Variants in APPL1 observed in about 807,000 individuals in gnomAD.
The protein encoded by APPL1 is DCC-interacting protein 13-alpha.
APPL1 carries 42 observed loss-of-function variants against 106.8 expected under a neutral mutation model. The observed-to-expected ratio is 0.39, with a 90% CI of 0.31 to 0.51. The LOEUF is 0.51. Ranked by LOEUF, APPL1 falls within the 20% of genes least tolerant of loss-of-function variation. The probability of loss-of-function intolerance (pLI) is 0.75; values close to 1 mark genes in which losing one functional copy is unlikely to be tolerated. For synonymous variants in APPL1, 263 were observed against 281.8 expected (o/e 0.93, Z 0.67); for missense variants, 769 against 858.2 (o/e 0.90, Z 1.30).
Position 57,259,848 on chromosome 3 carries a change from C to T in APPL1, c.1487C>T (p.Ser496Phe). Residue 496 changes from serine to phenylalanine, a missense_variant, in exon 17 of 22, where the codon TCT becomes TTT. Transcript: ENST00000288266. ...GGSTKSETED[S>F]ILHQLFIVRF... ...AATACACCTTGTTCTATTATAGATT[C>T]TATTCTTCATCAGTTATTTATTGTC... 6.3e-7 allele frequency: 1 copy of T among 1,586,278 alleles called. No homozygotes were observed. The highest frequency in any genetic ancestry group is 1.2e-5 in the South Asian group (1 of 85,780).
At chr3:57,266,554 C>T (rs567181102) in intron 19 of APPL1, among the ~76,000 whole-genome samples, 2 of 152,234 alleles carry the variant, frequency 1.3e-5, no homozygotes, top group East Asian at 1.9e-4. Flanking sequence ...CCTTTTTAAT[C>T]TCCAATTTTA....
chr3:57,231,121 C>T (rs1283438731), intron 1 of APPL1, among the ~76,000 whole-genome samples: 1 of 151,620 alleles, frequency 6.6e-6, no homozygotes, highest in Non-Finnish European at 1.5e-5. Context: ...AGGTGAATCA[C>T]GAGGTCAGGA....
intron 11 of APPL1, among the ~76,000 whole-genome samples, 154 bp from the exon 12 acceptor site, chr3:57,252,115 C>G (rs2060808422): frequency 6.6e-6 from 1 of 152,118 alleles, no homozygotes; most frequent in Non-Finnish European, 1.5e-5. Context: ...TGGTGGTCTC[C>G]TTTTCCTAAG....
At chr3:57,267,872 A>G (rs1170068034) in intron 20 of APPL1, 80 bp downstream of exon 20, 1 of 1,453,552 alleles carries the variant, frequency 6.9e-7, no homozygotes, top group East Asian at 2.3e-5. Context: ...CGGGCAGATG[A>G]CTTGAGGTCA....
chr3:57,235,662 C>T lies in APPL1; in HGVS notation c.151C>T (p.Gln51Ter), dbSNP rs2060712706. ...YQAMHRIYDA[Q>*]NELSAATHLT... The stretch of plus-strand genomic sequence containing the variant: ...AGCTATGCATCGGATTTATGATGCA[C>T]AGGTAAAACACTAAGGACTAACTTG... Residue 51 changes from glutamine to a stop codon, truncating the protein, a stop_gained and splice_region_variant, in exon 2 of 22, where the codon CAG becomes TAG. Coordinates refer to ENST00000288266, the MANE Select transcript of APPL1 (RefSeq NM_012096.3). LOFTEE classifies it high-confidence loss of function. 1 of 1,606,970 alleles carries T rather than the reference C, an allele frequency of 6.2e-7. No homozygotes were observed. Among genetic ancestry groups the T allele is most frequent in the African/African-American group, 1.3e-5 (1 of 74,800 alleles).
intron 9 of APPL1, 30 bp from the exon 10 acceptor site, chr3:57,248,163 A>G (rs376847887): frequency 1.0e-4 from 164 of 1,583,586 alleles, no homozygotes; most frequent in Admixed American, 3.0e-4. Flanking sequence ...ATTGGTTGTG[A>G]TTTGTAGCAA....
At position 57,249,528 on chromosome 3, in the gene APPL1, C is replaced by G. The variant is rs2060792220; in HGVS notation, c.1032C>G (p.Ile344Met). 6.3e-7 allele frequency: 1 copy of G among 1,585,558 alleles called. No homozygotes were observed. The highest frequency in any genetic ancestry group is 2.3e-5 in the East Asian group (1 of 44,234). Residue 344 changes from isoleucine to methionine, a missense_variant, in exon 11 of 22, where the codon ATC (isoleucine) becomes ATG (methionine). Transcript: ENST00000288266. Reference protein sequence around the residue: ...DCEDRRYCFQITSFDGKKSSI... With the variant: ...DCEDRRYCFQMTSFDGKKSSI... ...AAGACAGACGATATTGTTTTCAGAT[C>G]ACCTCTTTCGATGGAAAAAAGTTAG... is the stretch of plus-strand genomic sequence containing the variant.
intron 15 of APPL1, chr3:57,258,677 T>G (rs1360194575): frequency 2.2e-5 from 4 of 180,744 alleles, no homozygotes; most frequent in African/African-American, 9.4e-5. Flanking sequence ...CAGGACATTC[T>G]TGGCATTTTT....
chr3:57,249,214 CTG>C, intron 10 of APPL1, 144 bp from the exon 11 acceptor site: 2 of 721,030 alleles, frequency 2.8e-6, no homozygotes, highest in Non-Finnish European at 4.5e-6. Context: ...ATTTTAGAGA[CTG>C]AAAGCATATT....
rs1370586142 is a variant in APPL1 at position 57,228,584 on chromosome 3, A to G, written c.54+647A>G. Among the ~76,000 whole-genome samples, 2 of 152,204 alleles carry G rather than the reference A, an allele frequency of 1.3e-5. No homozygotes were observed. Among genetic ancestry groups the G allele is most frequent in the Admixed American group, 1.3e-4 (2 of 15,282 alleles). The stretch of plus-strand genomic sequence containing the variant: ...GCGACTGCTGCGCTGCTCCCTGCAG[A>G]CTTGGCCTTAATAAACTCATCAAAA... On this transcript the variant is annotated intron_variant, in intron 1 of 21. Coordinates refer to ENST00000288266, the MANE Select transcript of APPL1 (RefSeq NM_012096.3). This position sits in a 1 kb window ranked among gnomAD's most constrained non-coding sequence, Gnocchi z 4.6.
intron 19 of APPL1, among the ~76,000 whole-genome samples, chr3:57,262,813 GGTGTGTGTGTGTGTGT>G (rs4060605): frequency 7.0e-6 from 1 of 142,706 alleles, no homozygotes; most frequent in Non-Finnish European, 1.5e-5. Context: ...GGGTACAAGG[GGTGTGTGTGTGTGTGT>G]GTGTGTGTGT....
rs1395469230 is a variant in APPL1 at position 57,269,930 on chromosome 3, AG to A, written c.*244del. On this transcript the variant is annotated 3_prime_UTR_variant, in exon 22 of 22. Coordinates refer to ENST00000288266, the MANE Select transcript of APPL1 (RefSeq NM_012096.3). The stretch of plus-strand genomic sequence containing the variant: ...AAAGGAAACCTGCTCATCTCCCTGA[AG>A]CAGACTGCTGAGGAATTACATTTGC... 3.1e-6 allele frequency: 1 copy of A among 317,770 alleles called. No homozygotes were observed. The highest frequency in any genetic ancestry group is 5.7e-6 in the Non-Finnish European group (1 of 175,878). 19.7% of individuals were successfully genotyped at this position (317,770 alleles called of 1,614,324 possible).
At chr3:57,236,377 G>T (rs1237876108) in intron 2 of APPL1, among the ~76,000 whole-genome samples, 4 of 148,968 alleles carry the variant, frequency 2.7e-5, no homozygotes, top group Admixed American at 1.4e-4. Context: ...CTCCCAGGCT[G>T]GAGTGCAATG....
chr3:57,260,396 TA>T, intron 18 of APPL1: 1 of 550,926 alleles, frequency 1.8e-6, no homozygotes, highest in Non-Finnish European at 3.0e-6. Context: ...TTTGACTTTG[TA>T]AAATGTGTTA....
intron 17 of APPL1, 40 bp from the exon 18 acceptor site, chr3:57,260,077 A>C: frequency 6.2e-7 from 1 of 1,606,142 alleles, no homozygotes; most frequent in Non-Finnish European, 8.5e-7. Context: ...ATTTCAGCCT[A>C]ATTAAAATTT....
rs927480105 is a variant in APPL1, at chr3:57,271,643, C to T, written c.*1956C>T. On this transcript the variant is annotated 3_prime_UTR_variant, in exon 22 of 22. Coordinates refer to ENST00000288266, the MANE Select transcript of APPL1 (RefSeq NM_012096.3). ...TGTTCATCATTAGGAGGCAGCTTTA[C>T]TAAGCTGGTGCTTTGCATGGTAGCA... 5 of 152,218 alleles carry T rather than the reference C, an allele frequency of 3.3e-5. No homozygotes were observed. Among genetic ancestry groups the T allele is most frequent in the African/African-American group, 1.2e-4 (5 of 41,458 alleles). The allele number at this position is 152,218 out of a possible 1,614,324, so 9.4% of individuals were successfully genotyped here.
chr3:57,238,881 T>G (rs2060730738), intron 4 of APPL1, among the ~76,000 whole-genome samples: 1 of 152,160 alleles, frequency 6.6e-6, no homozygotes, highest in African/African-American at 2.4e-5. Flanking sequence ...TTTAGGACAT[T>G]TTCATCATCT....
At chr3:57,269,457 G>C in intron 21 of APPL1, 84 bp from the exon 22 acceptor site, 2 of 1,294,782 alleles carry the variant, frequency 1.5e-6, no homozygotes, top group Non-Finnish European at 2.1e-6. Context: ...AGAAGAAGTG[G>C]CTCTCAAGAA....
rs2060920629 is a variant in APPL1 at position 57,269,567 on chromosome 3, A to G, written c.2010A>G (p.Ile670Met). Residue 670 changes from isoleucine (I) to methionine (M), a missense_variant, in exon 22 of 22, where the codon ATA becomes ATG. Ile to Met is a conservative substitution (Grantham distance 10). Transcript: ENST00000288266. ...ACTTGGAAGAACAAAGTCGGTTGATAGCTGCTTCCAGTAGACCAAACCAAG... is the reference window on the plus strand; with the variant it reads ...ACTTGGAAGAACAAAGTCGGTTGATGGCTGCTTCCAGTAGACCAAACCAAG... Reference protein sequence around the residue: ...EKDLEEQSRLIAASSRPNQAS... With the variant: ...EKDLEEQSRLMAASSRPNQAS... The G allele has an allele frequency of 2.5e-6, 4 of 1,613,946 alleles. No individual in the cohort carries two copies. Among genetic ancestry groups the G allele is most frequent in the Non-Finnish European group, 3.4e-6 (4 of 1,179,996 alleles).
Sources: allele counts gnomAD v4.1 joint callset (sites outside exome capture counted in the v4.1 genomes callset), GRCh38; gene constraint gnomAD v4.1.1; non-coding constraint Gnocchi (gnomAD v3.1); transcripts MANE v1.5; gene names NCBI Gene and HGNC (gene_info 2026-07-23, HGNC 2026-07-21).